Variants in TMEM71 observed in about 807,000 individuals in gnomAD.
TMEM71 encodes transmembrane protein 71.
In TMEM71, 44 loss-of-function variants were observed where a neutral mutation model predicts 38.0. That is an observed-to-expected ratio of 1.16 (90% CI 0.91 to 1.49). The LOEUF (loss-of-function observed/expected upper bound fraction) is 1.49, where lower values mean the gene tolerates loss of function less well. TMEM71 is among the 40% of genes most tolerant of loss of function. TMEM71 has a pLI of 0.00. For missense variants in TMEM71, 367 were observed against 348.6 expected, an observed-to-expected ratio of 1.05 and a Z score of -0.42; for synonymous variants, 133 against 122.5, an observed-to-expected ratio of 1.09 and a Z score of -0.56.
At chr8:132,749,639 A>G (rs1448176150) in intron 4 of TMEM71, among the ~76,000 whole-genome samples, 3 of 152,224 alleles carry the variant, frequency 2.0e-5, no homozygotes, top group East Asian at 1.9e-4. Context: ...GATGAAAGAA[A>G]GAGGCTGGGT....
chr8:132,753,691 T>C (rs1279202247), intron 3 of TMEM71, among the ~76,000 whole-genome samples: 1 of 152,154 alleles, frequency 6.6e-6, no homozygotes, highest in Non-Finnish European at 1.5e-5. Flanking sequence ...TAATTCCAAC[T>C]CTGTCATTGC....
chr8:132,725,478 C>T (rs1563745815), intron 6 of TMEM71, among the ~76,000 whole-genome samples: 1 of 152,184 alleles, frequency 6.6e-6, no homozygotes, highest in East Asian at 1.9e-4. Context: ...CTGGAATTTT[C>T]ATTAAGATGA....
chr8:132,745,036 G>T (rs1302168928), intron 5 of TMEM71, among the ~76,000 whole-genome samples: 1 of 152,158 alleles, frequency 6.6e-6, no homozygotes, highest in Non-Finnish European at 1.5e-5. Context: ...ATGGATTAAA[G>T]ATTTCAATGT....
chr8:132,756,745 C>T (rs962610008), intron 3 of TMEM71, among the ~76,000 whole-genome samples: 3 of 151,760 alleles, frequency 2.0e-5, no homozygotes, highest in African/African-American at 7.3e-5. Context: ...TACCATCATG[C>T]CCGGCTAATT....
At chr8:132,766,065 T>A in the TMEM71 span, among the ~76,000 whole-genome samples, 1 of 152,138 alleles carries the variant, frequency 6.6e-6, no homozygotes, top group African/African-American at 2.4e-5. Context: ...ATTACAGATA[T>A]GAGCCACCGC....
intron 5 of TMEM71, among the ~76,000 whole-genome samples, chr8:132,734,208 G>A (rs180787966): frequency 6.6e-6 from 1 of 151,870 alleles, no homozygotes; most frequent in Non-Finnish European, 1.5e-5. Context: ...AGAGACACAG[G>A]CACCTTTGGG....
intron 2 of TMEM71, chr8:132,757,936 G>T (rs1829124226): frequency 6.6e-6 from 1 of 152,066 alleles, no homozygotes; most frequent in Admixed American, 6.6e-5. Flanking sequence ...TGTGAAGCAG[G>T]AGAAAACCCA....
At chr8:132,745,553 G>C (rs968984834) in intron 5 of TMEM71, among the ~76,000 whole-genome samples, 3 of 152,120 alleles carry the variant, frequency 2.0e-5, no homozygotes, top group Non-Finnish European at 4.4e-5. Flanking sequence ...GCAGAGAAAA[G>C]GGAATGCTTA....
chr8:132,710,883 A>G lies in TMEM71; in HGVS notation c.*84T>C, dbSNP rs1826196952. 1 of 1,315,980 alleles carries G rather than the reference A, an allele frequency of 7.6e-7. No homozygotes were observed. Among genetic ancestry groups the G allele is most frequent in the African/African-American group, 1.5e-5 (1 of 66,956 alleles). The allele number at this position is 1,315,980 out of a possible 1,614,324, so 81.5% of individuals were successfully genotyped here. On this transcript the variant is annotated 3_prime_UTR_variant, in exon 10 of 10. Coordinates refer to ENST00000677595, the MANE Select transcript of TMEM71 (RefSeq NM_001382403.1). Reference sequence around the variant, plus strand: ...CTCGCTTACTCCCTTCCAATAAAACACTTGATTCCAAGTAGACTGCAAGTT... The same window carrying G: ...CTCGCTTACTCCCTTCCAATAAAACGCTTGATTCCAAGTAGACTGCAAGTT...
intron 5 of TMEM71, among the ~76,000 whole-genome samples, chr8:132,728,525 A>G (rs1827279093): frequency 6.6e-6 from 1 of 152,230 alleles, no homozygotes; most frequent in Non-Finnish European, 1.5e-5. Context: ...GGGTGAGGAC[A>G]CAGGCAAACC....
At chr8:132,761,886 C>G (rs1829303855), upstream of TMEM71, among the ~76,000 whole-genome samples, 1 of 152,176 alleles carries the variant, frequency 6.6e-6, no homozygotes. Context: ...ATCCAACAGC[C>G]AGGAATCCAG....
chr8:132,715,229 A>G (rs975714980), intron 7 of TMEM71, among the ~76,000 whole-genome samples: 12 of 150,248 alleles, frequency 8.0e-5, no homozygotes, highest in African/African-American at 3.0e-4. Flanking sequence ...ACACGGTGAA[A>G]CCCTGTCTCC....
chr8:132,745,737 T>C (rs1455680538), intron 5 of TMEM71, among the ~76,000 whole-genome samples: 1 of 152,040 alleles, frequency 6.6e-6, no homozygotes, highest in Non-Finnish European at 1.5e-5. Context: ...TCAGGAGCAC[T>C]ATTCACAATA....
chr8:132,738,559 A>T (rs1827867692), intron 5 of TMEM71, among the ~76,000 whole-genome samples: 1 of 152,190 alleles, frequency 6.6e-6, no homozygotes, highest in Non-Finnish European at 1.5e-5. Context: ...TAACTTGAAA[A>T]TTCCAAATCT....
chr8:132,727,394 C>G (rs1039186026), intron 6 of TMEM71, among the ~76,000 whole-genome samples: 17 of 150,502 alleles, frequency 1.1e-4, no homozygotes, highest in Admixed American at 8.6e-4. Flanking sequence ...GTAGCTGGGA[C>G]TATAGGCACC....
intron 7 of TMEM71, among the ~76,000 whole-genome samples, chr8:132,717,382 A>C (rs1826591033): frequency 6.6e-6 from 1 of 152,258 alleles, no homozygotes; most frequent in African/African-American, 2.4e-5. Context: ...AATTATTTTA[A>C]CTTAACAACA....
rs553529242 is a variant in TMEM71 at position 132,722,539 on chromosome 8, C to T, written c.677-424G>A. 7.2e-5 allele frequency among the ~76,000 whole-genome samples: 11 copies of T among 152,288 alleles called. No individual in the cohort carries two copies. The South Asian group carries it at 8.3e-4, about 11-fold the overall frequency. On this transcript the variant is annotated intron_variant, in intron 6 of 9. Coordinates refer to ENST00000677595, the MANE Select transcript of TMEM71 (RefSeq NM_001382403.1). The stretch of plus-strand genomic sequence containing the variant: ...TTAGTTCACTTAAACAGCACAACAA[C>T]GCTGTGAGGTGGATGCCATTATCTT...
chr8:132,714,014 T>G lies in TMEM71; in HGVS notation c.853A>C (p.Lys285Gln). ...SLFLSLASYF[K>Q]TTACARFVKI ...ACTTACCGAGCACAGGCAGTGGTTT[T>G]GAAATAGCTGGCAAGGCTGAGAAAC... Residue 285 changes from lysine to glutamine, a missense_variant, in exon 9 of 10, where the codon AAA becomes CAA. Lys to Gln is a moderately conservative substitution (Grantham distance 53, BLOSUM62 1). Transcript: ENST00000677595. 6.2e-7 allele frequency: 1 copy of G among 1,614,004 alleles called. No individual in the cohort carries two copies. Among genetic ancestry groups the G allele is most frequent in the Non-Finnish European group, 8.5e-7 (1 of 1,179,914 alleles).
At chr8:132,736,471 G>T (rs540285248) in intron 5 of TMEM71, among the ~76,000 whole-genome samples, 36 of 152,242 alleles carry the variant, frequency 2.4e-4, no homozygotes, top group African/African-American at 8.4e-4. Context: ...GATGAAAAAT[G>T]TTCTGGAAAT....
Sources: gnomAD v4.1 joint callset for allele counts (sites outside exome capture counted in the v4.1 genomes callset) on GRCh38, gnomAD v4.1.1 for gene constraint, MANE v1.5 for transcripts, NCBI Gene and HGNC (gene_info 2026-07-23, HGNC 2026-07-21) for gene names.